Variants in SACM1L observed in about 807,000 individuals in gnomAD.
SACM1L encodes phosphatidylinositol-3-phosphatase SAC1.
SACM1L carries 32 observed loss-of-function variants against 89.5 expected under a neutral mutation model. That is an observed-to-expected ratio of 0.36 (90% CI 0.27 to 0.48). The LOEUF (loss-of-function observed/expected upper bound fraction) is 0.48. SACM1L is among the 20% of genes least tolerant of loss of function. The pLI is 0.99. For missense variants in SACM1L, 543 were observed against 708.5 expected (o/e 0.77, Z 2.65); for synonymous variants, 213 against 232.8 (o/e 0.92, Z 0.77).
At chr3:45,724,298 G>GGGGTGT (rs375756114) in intron 11 of SACM1L, among the ~76,000 whole-genome samples, 1 of 139,822 alleles carries the variant, frequency 7.2e-6, no homozygotes, top group African/African-American at 2.7e-5. Flanking sequence ...GTTGTTTTCT[G>GGGGTGT]GTGTGTGTGT....
At chr3:45,732,786 T>G (rs1699104365) in intron 13 of SACM1L, among the ~76,000 whole-genome samples, 1 of 152,218 alleles carries the variant, frequency 6.6e-6, no homozygotes, top group African/African-American at 2.4e-5. Flanking sequence ...TGCCAGTCTT[T>G]ACCGATTTTA....
rs1698949774 is a variant in SACM1L at position 45,727,505 on chromosome 3, TG to T, written c.922-3794del. Among the ~76,000 whole-genome samples, 7 of 152,340 alleles carry T rather than the reference TG, an allele frequency of 4.6e-5. No homozygotes were observed. The South Asian group carries it at 1.4e-3, about 32-fold the overall frequency. ...TCTGCTGCTGTTGGGTACAGTAATA[TG>T]GTCTGATTGGTTTATGATGGTGTTT... On this transcript the variant is annotated intron_variant, in intron 11 of 19. Coordinates refer to ENST00000389061, the MANE Select transcript of SACM1L (RefSeq NM_014016.5).
Position 45,731,383 on chromosome 3 carries a change from A to G in SACM1L, c.1001+3A>G. Reference sequence around the variant, plus strand: ...TCCTTGGGAAGTGGAATGATGAGGTACCTCACTAGAAATCTGTTGCAGGTC... The same window carrying G: ...TCCTTGGGAAGTGGAATGATGAGGTGCCTCACTAGAAATCTGTTGCAGGTC... On this transcript the variant is annotated splice_donor_region_variant and intron_variant, in intron 12 of 19. Transcript: ENST00000389061. The G allele has an allele frequency of 6.2e-7, 1 of 1,602,670 alleles. No individual in the cohort carries two copies. Among genetic ancestry groups the G allele is most frequent in the Non-Finnish European group, 8.5e-7 (1 of 1,170,238 alleles).
chr3:45,734,113 ATTTTTTT>A (rs377501431), intron 13 of SACM1L, among the ~76,000 whole-genome samples: 1 of 132,114 alleles, frequency 7.6e-6, no homozygotes, highest in Non-Finnish European at 1.6e-5. Context: ...CCATTTAAGA[ATTTTTTT>A]TTTTTTTTTT....
At chr3:45,691,252 G>A (rs1697980333) in intron 1 of SACM1L, among the ~76,000 whole-genome samples, 1 of 152,138 alleles carries the variant, frequency 6.6e-6, no homozygotes, top group African/African-American at 2.4e-5. Flanking sequence ...TGAAAAAAAA[G>A]TTTAGAGTGT....
At chr3:45,725,321 G>GTCC in intron 11 of SACM1L, among the ~76,000 whole-genome samples, 1 of 151,170 alleles carries the variant, frequency 6.6e-6, no homozygotes, top group African/African-American at 2.4e-5. Flanking sequence ...CATCAACTCA[G>GTCC]ATGTCTTTTT....
At chr3:45,701,186 CACA>C (rs901329726) in intron 1 of SACM1L, among the ~76,000 whole-genome samples, 11 of 151,318 alleles carry the variant, frequency 7.3e-5, no homozygotes, top group African/African-American at 2.7e-4. Context: ...CAATTTTGAA[CACA>C]ACAATGTATC....
At chr3:45,690,090 G>C (rs1697937840) in intron 1 of SACM1L, 1 of 152,422 alleles carries the variant, frequency 6.6e-6, no homozygotes, top group South Asian at 2.1e-4. Context: ...TCTTAAGTCA[G>C]TGTCGACAGC....
chr3:45,726,697 T>G (rs997719987), intron 11 of SACM1L, among the ~76,000 whole-genome samples: 1 of 152,090 alleles, frequency 6.6e-6, no homozygotes, highest in African/African-American at 2.4e-5. Context: ...ATTTTCTATT[T>G]TATTTATCTC....
intron 5 of SACM1L, 99 bp from the exon 6 acceptor site, chr3:45,713,036 GCT>G: frequency 5.5e-6 from 5 of 903,764 alleles, no homozygotes; most frequent in Middle Eastern, 5.3e-4. Flanking sequence ...AAAGAAACTG[GCT>G]TCTAGCCATC....
chr3:45,703,795 A>AT (rs1267889256), intron 2 of SACM1L, among the ~76,000 whole-genome samples: 1 of 152,002 alleles, frequency 6.6e-6, no homozygotes, highest in Non-Finnish European at 1.5e-5. Context: ...AATATTTATT[A>AT]TTTTTTTCCC....
chr3:45,717,522 G>A (rs1208228409), intron 7 of SACM1L, among the ~76,000 whole-genome samples: 1 of 152,084 alleles, frequency 6.6e-6, no homozygotes, highest in Non-Finnish European at 1.5e-5. Flanking sequence ...ATAGATTCAG[G>A]GTTTTGGTAC....
chr3:45,721,577 G>A lies in SACM1L; in HGVS notation c.680-423G>A, dbSNP rs140455890. On this transcript the variant is annotated intron_variant, in intron 8 of 19. Coordinates refer to ENST00000389061, the MANE Select transcript of SACM1L (RefSeq NM_014016.5). Reference sequence around the variant, plus strand: ...CTATCTTTACGTTGAGTATTGTGTTGTTACTAAGTATAATTACCTAAATTG... The same window carrying A: ...CTATCTTTACGTTGAGTATTGTGTTATTACTAAGTATAATTACCTAAATTG... Among the ~76,000 whole-genome samples the A allele has an allele frequency of 4.9e-3, 740 of 152,206 alleles. 8 individuals carry two copies. The highest frequency in any genetic ancestry group is 0.016 in the African/African-American group (685 of 41,540).
At chr3:45,741,641 T>C (rs1168744246) in intron 19 of SACM1L, among the ~76,000 whole-genome samples, 2 of 152,194 alleles carry the variant, frequency 1.3e-5, no homozygotes, top group Non-Finnish European at 2.9e-5. Context: ...TGCTCAGCCC[T>C]GTAGACAGTC....
At chr3:45,714,638 C>T (rs1698607122) in intron 7 of SACM1L, among the ~76,000 whole-genome samples, 1 of 151,932 alleles carries the variant, frequency 6.6e-6, no homozygotes, top group African/African-American at 2.4e-5. Context: ...AGGAGAATTA[C>T]CATTAAAAAT....
chr3:45,727,691 G>C (rs1349491858), intron 11 of SACM1L, among the ~76,000 whole-genome samples: 1 of 152,074 alleles, frequency 6.6e-6, no homozygotes, highest in Non-Finnish European at 1.5e-5. Context: ...TGCCTCCCTG[G>C]TTTGCACCAT....
rs34366741 is a variant in SACM1L, at chr3:45,744,847, T to TA, written c.*1181dup. On this transcript the variant is annotated 3_prime_UTR_variant, in exon 20 of 20. Coordinates refer to ENST00000389061, the MANE Select transcript of SACM1L (RefSeq NM_014016.5). ...TAAGGTAGTATAATTACCACTATTT[T>TA]AAATAATTCAGTTAAACACTGCTGC... 95,423 of 151,882 alleles carry TA rather than the reference T, an allele frequency of 0.63. 30,359 individuals are homozygous for TA. Among genetic ancestry groups the TA allele is most frequent in the Non-Finnish European group, 0.66 (44,460 of 67,774 alleles). 9.4% of individuals were successfully genotyped at this position (151,882 alleles called of 1,614,324 possible).
chr3:45,731,371 G>A lies in SACM1L; in HGVS notation c.992G>A (p.Gly331Glu). 1 of 1,610,566 alleles carries A rather than the reference G, an allele frequency of 6.2e-7. No individual in the cohort carries two copies. The highest frequency in any genetic ancestry group is 8.5e-7 in the Non-Finnish European group (1 of 1,177,026). The change falls in exon 12 of 20, where the codon GGA becomes GAA. Residue 331 changes from glycine (G) to glutamate (E), a missense_variant. Around this residue, in one of 2 missense-constraint regions of SACM1L, gnomAD observed 370 missense variants for 527.6 expected, o/e 0.70. Coordinates refer to ENST00000389061, the MANE Select transcript of SACM1L (RefSeq NM_014016.5). ...ACAATGGTGTCTTCCTTGGGAAGTG[G>A]AATGATGAGGTACCTCACTAGAAAT... ...FATMVSSLGSGMMRYIAFDFH... is the reference protein window; with the variant it reads ...FATMVSSLGSEMMRYIAFDFH...
intron 5 of SACM1L, among the ~76,000 whole-genome samples, chr3:45,710,267 C>T (rs1466747026): frequency 6.6e-6 from 1 of 150,660 alleles, no homozygotes; most frequent in African/African-American, 2.4e-5. Context: ...GTGGTGCGAT[C>T]TCAGCTCACT....
Sources: allele counts gnomAD v4.1 joint callset (sites outside exome capture counted in the v4.1 genomes callset), GRCh38; gene constraint gnomAD v4.1.1; regional missense constraint gnomAD v4.1.1; transcripts MANE v1.5; gene names NCBI Gene and HGNC (gene_info 2026-07-23, HGNC 2026-07-21).